RHOJ: variants seen among roughly 807,000 people sequenced by gnomAD.
The protein encoded by RHOJ is ras homolog family member J.
A neutral mutation model predicts 23.4 loss-of-function variants in RHOJ; 11 were observed. That is an observed-to-expected ratio of 0.47 (90% CI 0.30 to 0.78). The LOEUF is 0.78. Among genes scored for constraint, RHOJ ranks in the 30% least tolerant of loss-of-function variants. The probability of loss-of-function intolerance (pLI) is 0.08; values close to 1 mark genes in which losing one functional copy is unlikely to be tolerated. For missense variants in RHOJ, 254 were observed against 273.4 expected (o/e 0.93, Z 0.50); for synonymous variants, 102 against 102.7 (o/e 0.99, Z 0.04).
intron 1 of RHOJ, among the ~76,000 whole-genome samples, chr14:63,227,098 C>T (rs142340552): frequency 6.6e-6 from 1 of 152,026 alleles, no homozygotes; most frequent in Non-Finnish European, 1.5e-5. Context: ...ATTACAGGCG[C>T]CTGCCACCAT....
intron 1 of RHOJ, among the ~76,000 whole-genome samples, chr14:63,222,809 T>C (rs923933041): frequency 2.0e-5 from 3 of 152,262 alleles, no homozygotes; most frequent in Admixed American, 2.0e-4. Flanking sequence ...TCTTTTGCTG[T>C]GCAGAAGCTC....
At chr14:63,264,193 G>A (rs1246722010) in intron 1 of RHOJ, among the ~76,000 whole-genome samples, 1 of 151,942 alleles carries the variant, frequency 6.6e-6, no homozygotes, top group African/African-American at 2.4e-5. Context: ...CACTCTAGTA[G>A]TCCCCACTGT....
At chr14:63,268,494 G>A (rs1255809027) in intron 1 of RHOJ, among the ~76,000 whole-genome samples, 1 of 152,158 alleles carries the variant, frequency 6.6e-6, no homozygotes, top group East Asian at 1.9e-4. Context: ...TGCAACTAAA[G>A]TTCAAAATCA....
At chr14:63,254,736 C>T (rs72712564) in intron 1 of RHOJ, among the ~76,000 whole-genome samples, 16,292 of 152,086 alleles carry the variant, frequency 0.11, 1,138 homozygotes, top group African/African-American at 0.18. Flanking sequence ...TCCCCAGCTG[C>T]TCCTAAAGCC....
At chr14:63,216,668 A>T (rs1894363103) in intron 1 of RHOJ, among the ~76,000 whole-genome samples, 1 of 152,250 alleles carries the variant, frequency 6.6e-6, no homozygotes. Context: ...CATTTGCAAT[A>T]ATTCAAGCTG....
At chr14:63,236,588 A>AC (rs1360551936) in intron 1 of RHOJ, among the ~76,000 whole-genome samples, 4 of 152,046 alleles carry the variant, frequency 2.6e-5, no homozygotes, top group Non-Finnish European at 5.9e-5. Context: ...TGATTCAGCC[A>AC]CCTCCCACTG....
At chr14:63,264,672 C>G (rs1225447414) in intron 1 of RHOJ, among the ~76,000 whole-genome samples, 1 of 152,204 alleles carries the variant, frequency 6.6e-6, no homozygotes, top group Non-Finnish European at 1.5e-5. Context: ...TCTCCACAGT[C>G]TGACCAGCAT....
At chr14:63,257,282 G>A (rs1480288665) in intron 1 of RHOJ, among the ~76,000 whole-genome samples, 5 of 135,228 alleles carry the variant, frequency 3.7e-5, no homozygotes, top group East Asian at 2.5e-4. Context: ...AGCTCACCCC[G>A]ACCCAGTCCC....
chr14:63,252,588 G>A (rs562326892), intron 1 of RHOJ, among the ~76,000 whole-genome samples: 1 of 152,214 alleles, frequency 6.6e-6, no homozygotes, highest in East Asian at 1.9e-4. Context: ...TAGTCCTCTA[G>A]TGTGCAGCTG....
intron 4 of RHOJ, among the ~76,000 whole-genome samples, chr14:63,288,960 T>C (rs1882166996): frequency 6.6e-6 from 1 of 152,182 alleles, no homozygotes; most frequent in South Asian, 2.1e-4. Flanking sequence ...GGGTCACAGT[T>C]ACTGCCACAG....
intron 1 of RHOJ, among the ~76,000 whole-genome samples, chr14:63,249,998 C>T (rs929813241): frequency 6.6e-6 from 1 of 152,132 alleles, no homozygotes. Context: ...AGGATTAAAT[C>T]AAATTTGGAA....
intron 2 of RHOJ, among the ~76,000 whole-genome samples, chr14:63,274,644 G>A (rs1262354106): frequency 6.6e-6 from 1 of 152,150 alleles, no homozygotes; most frequent in Non-Finnish European, 1.5e-5. Context: ...TCAAGACAAT[G>A]GTCTAAGTGG....
At chr14:63,282,262 C>G (rs914684038) in intron 3 of RHOJ, among the ~76,000 whole-genome samples, 1 of 147,992 alleles carries the variant, frequency 6.8e-6, no homozygotes, top group Non-Finnish European at 1.5e-5. Context: ...CAAAATTGAA[C>G]AATTATCACA....
chr14:63,262,517 C>T (rs1267342737), intron 1 of RHOJ, among the ~76,000 whole-genome samples: 2 of 152,210 alleles, frequency 1.3e-5, no homozygotes, highest in Non-Finnish European at 2.9e-5. Flanking sequence ...CCCTCTGAGC[C>T]ATTAGCAGGT....
At chr14:63,271,223 G>A (rs563819560) in intron 2 of RHOJ, among the ~76,000 whole-genome samples, 2 of 152,206 alleles carry the variant, frequency 1.3e-5, no homozygotes, top group African/African-American at 4.8e-5. Flanking sequence ...AGGCTCAAAA[G>A]GAACCATAAA....
At chr14:63,283,026 T>C (rs759567647) in intron 3 of RHOJ, 95 bp from the exon 4 acceptor site, 7 of 978,752 alleles carry the variant, frequency 7.2e-6, no homozygotes, top group Middle Eastern at 2.1e-4. Flanking sequence ...ACTTCAAAGA[T>C]GTTAACAGGG....
chr14:63,251,837 C>T (rs755717268), intron 1 of RHOJ, among the ~76,000 whole-genome samples: 2 of 152,040 alleles, frequency 1.3e-5, no homozygotes, highest in Non-Finnish European at 2.9e-5. Context: ...GGTCAAAAGT[C>T]CAAAATGTCA....
intron 1 of RHOJ, among the ~76,000 whole-genome samples, chr14:63,248,744 G>C (rs1303164769): frequency 6.6e-6 from 1 of 152,220 alleles, no homozygotes; most frequent in Non-Finnish European, 1.5e-5. Flanking sequence ...TACAGGGTTA[G>C]TCCTAGCTTC....
chr14:63,243,585 C>T (rs1379539763), intron 1 of RHOJ, among the ~76,000 whole-genome samples: 1 of 152,098 alleles, frequency 6.6e-6, no homozygotes, highest in Non-Finnish European at 1.5e-5. Flanking sequence ...GGTGATCCAC[C>T]CACCTTGGCT....
Sources: gnomAD v4.1 joint callset for allele counts (sites outside exome capture counted in the v4.1 genomes callset) on GRCh38, gnomAD v4.1.1 for gene constraint, MANE v1.5 for transcripts, NCBI Gene and HGNC (gene_info 2026-07-23, HGNC 2026-07-21) for gene names.